Variants in GLRX5 observed in about 807,000 individuals in gnomAD.
The protein encoded by GLRX5 is glutaredoxin-related protein 5, mitochondrial.
Under a neutral mutation model 13.8 loss-of-function variants are expected in GLRX5, and 10 were observed. The observed-to-expected ratio is 0.72, with a 90% confidence interval of 0.45 to 1.23. The LOEUF is 1.23. Ranked by LOEUF, GLRX5 falls within the 50% of genes most tolerant of loss-of-function variation. GLRX5 has a pLI of 0.00. For missense variants in GLRX5, 233 were observed against 215.2 expected (o/e 1.08, Z -0.52); for synonymous variants, 98 against 101.1 (o/e 0.97, Z 0.18).
At chr14:95,543,078 T>C (rs143123257) in intron 1 of GLRX5, 1 of 455,972 alleles carries the variant, frequency 2.2e-6, no homozygotes, top group Non-Finnish European at 4.4e-6. Context: ...CACACAGGAC[T>C]GATCACATGC....
At chr14:95,537,629 G>A (rs748086686) in intron 1 of GLRX5, among the ~76,000 whole-genome samples, 5 of 152,170 alleles carry the variant, frequency 3.3e-5, no homozygotes, top group Non-Finnish European at 1.5e-5. Flanking sequence ...TTTGCCAGCC[G>A]AAACTATGTT....
At chr14:95,541,039 A>G (rs563326342) in intron 1 of GLRX5, among the ~76,000 whole-genome samples, 69 of 152,348 alleles carry the variant, frequency 4.5e-4, no homozygotes, top group African/African-American at 1.5e-3. Context: ...ACTCTGCCAT[A>G]TAACTTTGCA....
intron 1 of GLRX5, among the ~76,000 whole-genome samples, chr14:95,538,912 C>T (rs74085536): frequency 0.023 from 3,445 of 152,310 alleles, 139 homozygotes; most frequent in African/African-American, 0.078. Flanking sequence ...TTATCTGTCC[C>T]TGGCCTAGAG....
chr14:95,540,384 T>C (rs1891454430), intron 1 of GLRX5, among the ~76,000 whole-genome samples: 1 of 152,190 alleles, frequency 6.6e-6, no homozygotes, highest in Non-Finnish European at 1.5e-5. Flanking sequence ...TCCTTAGATA[T>C]CATGGAATCT....
intron 1 of GLRX5, among the ~76,000 whole-genome samples, chr14:95,535,942 C>T (rs909896660): frequency 6.6e-6 from 1 of 152,184 alleles, no homozygotes; most frequent in Non-Finnish European, 1.5e-5. Flanking sequence ...GCATCATCCT[C>T]TGTGGTTGCT....
chr14:95,535,377 C>T lies in GLRX5; in HGVS notation c.288C>T (p.Leu96=). The T allele has an allele frequency of 1.3e-6, 2 of 1,549,954 alleles. No individual in the cohort carries two copies. The highest frequency in any genetic ancestry group is 1.7e-6 in the Non-Finnish European group (2 of 1,147,142). The change falls in exon 1 of 2, where the codon CTC becomes CTT. Residue 96 remains leucine, a synonymous_variant. Transcript: ENST00000331334. ...ACAACGTGCTGGACGACCCGGAGCT[C>T]CGACAAGGTCAGGCCAGTGTGCCGG... ...AAYNVLDDPE[L]RQGIKDYSNW...
chr14:95,542,016 AAAG>A (rs1379454930), intron 1 of GLRX5, among the ~76,000 whole-genome samples: 16 of 152,378 alleles, frequency 1.1e-4, no homozygotes, highest in African/African-American at 3.6e-4. Context: ...AAGATAATGA[AAAG>A]AAGCTCACGT....
chr14:95,535,535 AC>A, intron 1 of GLRX5, 151 bp downstream of exon 1: 1 of 722,420 alleles, frequency 1.4e-6, no homozygotes, highest in Non-Finnish European at 2.3e-6. Flanking sequence ...GGCGAGGAGT[AC>A]TGCCCTGGAG....
intron 1 of GLRX5, among the ~76,000 whole-genome samples, chr14:95,539,787 T>G (rs910116675): frequency 6.6e-6 from 1 of 152,212 alleles, no homozygotes; most frequent in Non-Finnish European, 1.5e-5. Flanking sequence ...GGGATAATTG[T>G]ACCTGCCTTG....
rs10131601 is a variant in GLRX5, at chr14:95,539,969, C to T, written c.296-3978C>T. On this transcript the variant is annotated intron_variant, in intron 1 of 1. Coordinates refer to ENST00000331334, the MANE Select transcript of GLRX5 (RefSeq NM_016417.3). ...GCAGGGGGCAATCTCGGCTCACTGC[C>T]ACCCCTGCCTCCCGGGTTCAAGCGA... is the stretch of plus-strand genomic sequence containing the variant. Among the ~76,000 whole-genome samples, 1,164 of 151,958 alleles carry T rather than the reference C, an allele frequency of 7.7e-3. 9 individuals are homozygous for T. The highest frequency in any genetic ancestry group is 0.024 in the African/African-American group (1,000 of 41,458).
Position 95,544,221 on chromosome 14 carries a change from C to T in GLRX5, c.*96C>T, listed in dbSNP as rs1891521270. On this transcript the variant is annotated 3_prime_UTR_variant, in exon 2 of 2. Coordinates refer to ENST00000331334, the MANE Select transcript of GLRX5 (RefSeq NM_016417.3). ...CCCATTTTGGTTTTCACTATTGAGA[C>T]CGCAACTGCTTGCACTGATCATTTT... 1 of 951,642 alleles carries T rather than the reference C, an allele frequency of 1.1e-6. No individual in the cohort carries two copies. The highest frequency in any genetic ancestry group is 1.6e-5 in the African/African-American group (1 of 61,918). 58.9% of individuals were successfully genotyped at this position (951,642 alleles called of 1,614,324 possible).
chr14:95,540,043 C>T (rs1009798923), intron 1 of GLRX5, among the ~76,000 whole-genome samples: 2 of 152,176 alleles, frequency 1.3e-5, no homozygotes, highest in Middle Eastern at 3.4e-3. Flanking sequence ...GCACCTGGCA[C>T]CATGCCTGGC....
chr14:95,543,411 A>G (rs10484052), intron 1 of GLRX5: 76,681 of 323,078 alleles, frequency 0.24, 10,085 homozygotes, highest in South Asian at 0.35. Context: ...CAACTTAGAC[A>G]GTCACAGTCA....
chr14:95,540,131 T>G (rs1667920133), intron 1 of GLRX5, among the ~76,000 whole-genome samples: 1 of 152,218 alleles, frequency 6.6e-6, no homozygotes, highest in Non-Finnish European at 1.5e-5. Context: ...CCTCAGGTGA[T>G]GCACCAGCCT....
chr14:95,539,902 T>A (rs979245507), intron 1 of GLRX5, among the ~76,000 whole-genome samples: 56 of 83,774 alleles, frequency 6.7e-4, no homozygotes, highest in African/African-American at 2.2e-3. Context: ...TATATATTTT[T>A]TTTTTTTTGA....
rs1395000737 is a variant in GLRX5, at chr14:95,535,159, C to T, written c.70C>T (p.Leu24Phe). The T allele has an allele frequency of 1.1e-5, 16 of 1,400,996 alleles. No homozygotes were observed. Among genetic ancestry groups the T allele is most frequent in the Non-Finnish European group, 1.5e-5 (16 of 1,070,612 alleles). The allele number at this position is 1,400,996 out of a possible 1,614,324, so 86.8% of individuals were successfully genotyped here. Reference protein sequence around the residue: ...RWGRGAGGGGLWGPGVRAAGS... With the variant: ...RWGRGAGGGGFWGPGVRAAGS... ...GGGGCGCGGCGCGGGCGGCGGTGGC[C>T]TTTGGGGTCCGGGCGTGCGGGCGGC... Residue 24 changes from leucine (L) to phenylalanine (F), a missense_variant, in exon 1 of 2, where the codon CTT (leucine) becomes TTT (phenylalanine). Coordinates refer to ENST00000331334, the MANE Select transcript of GLRX5 (RefSeq NM_016417.3).
chr14:95,543,141 A>G (rs1160731762), intron 1 of GLRX5: 3 of 455,180 alleles, frequency 6.6e-6, no homozygotes, highest in Admixed American at 2.4e-5. Flanking sequence ...AGCGGGTCTC[A>G]CTCCCCCACC....
chr14:95,536,702 C>T (rs1891387463), intron 1 of GLRX5, among the ~76,000 whole-genome samples: 1 of 152,232 alleles, frequency 6.6e-6, no homozygotes, highest in South Asian at 2.1e-4. Flanking sequence ...CAGAAAGCAC[C>T]CGGTAAATGG....
chr14:95,542,071 CA>C (rs1389247420), intron 1 of GLRX5, among the ~76,000 whole-genome samples: 3 of 152,194 alleles, frequency 2.0e-5, no homozygotes, highest in African/African-American at 7.2e-5. Context: ...AGCTCTCAGT[CA>C]TCATAAAGGT....
Sources: gnomAD v4.1 joint callset for allele counts (sites outside exome capture counted in the v4.1 genomes callset) on GRCh38, gnomAD v4.1.1 for gene constraint, MANE v1.5 for transcripts, NCBI Gene and HGNC (gene_info 2026-07-23, HGNC 2026-07-21) for gene names.